PRPF39: variants seen among roughly 807,000 people sequenced by gnomAD.
PRPF39 encodes the protein pre-mRNA processing factor 39.
PRPF39 carries 27 observed loss-of-function variants against 82.1 expected under a neutral mutation model. The ratio of observed to expected loss-of-function variants is 0.33; its 90% CI spans 0.24 to 0.45. The LOEUF (loss-of-function observed/expected upper bound fraction) is 0.45. PRPF39 is among the 20% of genes least tolerant of loss of function. The pLI is 1.00. For missense variants in PRPF39, 581 were observed against 796.9 expected, an observed-to-expected ratio of 0.73 and a Z score of 3.26; for synonymous variants, 261 against 256.4, an observed-to-expected ratio of 1.02 and a Z score of -0.17.
At chr14:45,084,510 CCTT>C (rs1883759455) in intron 1 of PRPF39, among the ~76,000 whole-genome samples, 1 of 152,140 alleles carries the variant, frequency 6.6e-6, no homozygotes, top group African/African-American at 2.4e-5. Context: ...GTGTGGGCCT[CCTT>C]CGCCTGGATT....
At chr14:45,114,384 T>C in intron 12 of PRPF39, 110 bp from the exon 13 acceptor site, 2 of 1,351,778 alleles carry the variant, frequency 1.5e-6, no homozygotes, top group Non-Finnish European at 2.0e-6. Context: ...TGAAAAAGTC[T>C]TGAGTGATTC....
intron 11 of PRPF39, among the ~76,000 whole-genome samples, chr14:45,113,603 T>C (rs146225132): frequency 1.1e-4 from 17 of 152,346 alleles, no homozygotes; most frequent in African/African-American, 3.6e-4. Flanking sequence ...TTGAATGATA[T>C]GATTAACAGG....
chr14:45,097,014 A>C lies in PRPF39; in HGVS notation c.569+9A>C. The C allele has an allele frequency of 6.6e-7, 1 of 1,518,198 alleles. No homozygotes were observed. Among genetic ancestry groups the C allele is most frequent in the Non-Finnish European group, 8.8e-7 (1 of 1,138,052 alleles). The allele number at this position is 1,518,198 out of a possible 1,614,324, so 94.0% of individuals were successfully genotyped here. Reference sequence around the variant, plus strand: ...AACAATACAATAAGAGGGTATGTGGAACATTGATACTGAAATGTTTTTTAT... The same window carrying C: ...AACAATACAATAAGAGGGTATGTGGCACATTGATACTGAAATGTTTTTTAT... On this transcript the variant is annotated intron_variant, in intron 4 of 13. Transcript: ENST00000355765.
chr14:45,105,589 C>T (rs1315402550), intron 5 of PRPF39, among the ~76,000 whole-genome samples: 1 of 146,426 alleles, frequency 6.8e-6, no homozygotes, highest in Non-Finnish European at 1.5e-5. Context: ...TGCAGTGGTG[C>T]AGTCTTGGCT....
chr14:45,085,954 T>C (rs1883814031), intron 1 of PRPF39, among the ~76,000 whole-genome samples: 1 of 151,862 alleles, frequency 6.6e-6, no homozygotes, highest in Non-Finnish European at 1.5e-5. Flanking sequence ...AAAAAAGGTA[T>C]TAGGTCAAAA....
chr14:45,086,248 C>A (rs1244682556), intron 1 of PRPF39, among the ~76,000 whole-genome samples: 1 of 152,110 alleles, frequency 6.6e-6, no homozygotes, highest in Non-Finnish European at 1.5e-5. Flanking sequence ...GCCCAAATGT[C>A]CCATTTTTAA....
chr14:45,101,666 G>A (rs759374800), intron 4 of PRPF39, among the ~76,000 whole-genome samples: 3 of 151,256 alleles, frequency 2.0e-5, no homozygotes, highest in Admixed American at 6.6e-5. Flanking sequence ...GGGTTTCGCC[G>A]TGTTGGCAAG....
intron 4 of PRPF39, among the ~76,000 whole-genome samples, chr14:45,100,039 C>T (rs963642545): frequency 6.6e-6 from 1 of 152,058 alleles, no homozygotes; most frequent in Non-Finnish European, 1.5e-5. Context: ...ACCAGTCTGG[C>T]CAACATGGTG....
chr14:45,109,103 TACC>T (rs992390459), intron 7 of PRPF39, among the ~76,000 whole-genome samples: 10 of 152,202 alleles, frequency 6.6e-5, no homozygotes, highest in African/African-American at 2.4e-4. Context: ...AGTGCTAAGA[TACC>T]ACCAACTGCT....
intron 1 of PRPF39, 93 bp from the exon 2 acceptor site, chr14:45,095,128 T>C: frequency 1.4e-6 from 1 of 724,638 alleles, no homozygotes; most frequent in Non-Finnish European, 2.3e-6. Flanking sequence ...ATTTCTTTAA[T>C]AGCTAAATTA....
intron 1 of PRPF39, 123 bp from the exon 2 acceptor site, chr14:45,095,098 G>A: frequency 1.8e-6 from 1 of 568,550 alleles, no homozygotes; most frequent in South Asian, 2.8e-5. Context: ...GACTTGTAGG[G>A]GATTAAGACT....
rs769608219 is a variant in PRPF39, at chr14:45,109,681, C to T, written c.1077C>T (p.Tyr359=). The change falls in exon 8 of 14, where the codon TAC becomes TAT. Residue 359 remains tyrosine, a synonymous_variant. Coordinates refer to ENST00000355765, the MANE Select transcript of PRPF39 (RefSeq NM_017922.4). Reference sequence around the variant, plus strand: ...CACAACTAAAAAACTGGAAAGAATACTTAGAATTTGAAATTGAAAATGGGA... The same window carrying T: ...CACAACTAAAAAACTGGAAAGAATATTTAGAATTTGAAATTGAAAATGGGA... The part of the protein sequence containing the change: ...EKAQLKNWKE[Y]LEFEIENGTH... 3 of 1,608,398 alleles carry T rather than the reference C, an allele frequency of 1.9e-6. No homozygotes were observed. Among genetic ancestry groups the T allele is most frequent in the South Asian group, 2.2e-5 (2 of 90,090 alleles).
At chr14:45,089,783 G>C (rs1194828345) in intron 1 of PRPF39, among the ~76,000 whole-genome samples, 2 of 152,102 alleles carry the variant, frequency 1.3e-5, no homozygotes, top group Non-Finnish European at 2.9e-5. Context: ...ATTGGTTGTT[G>C]TTAAGAATAA....
intron 7 of PRPF39, among the ~76,000 whole-genome samples, chr14:45,109,278 A>G (rs1884631560): frequency 6.6e-6 from 1 of 152,220 alleles, no homozygotes; most frequent in African/African-American, 2.4e-5. Flanking sequence ...CTTTCCAGCC[A>G]GAGTTCCCCT....
At position 45,116,249 on chromosome 14, in the gene PRPF39, A is replaced by G; in HGVS notation, c.*1336A>G. ...CAAAAGTGAGTTTTGCATTTGGTGGAATTCTGTTGAAGAAGTCAAGGTACA... is the reference window on the plus strand; with the variant it reads ...CAAAAGTGAGTTTTGCATTTGGTGGGATTCTGTTGAAGAAGTCAAGGTACA... On this transcript the variant is annotated 3_prime_UTR_variant, in exon 14 of 14. Coordinates refer to ENST00000355765, the MANE Select transcript of PRPF39 (RefSeq NM_017922.4). 1 of 1,612,352 alleles carries G rather than the reference A, an allele frequency of 6.2e-7. No individual in the cohort carries two copies. The highest frequency in any genetic ancestry group is 8.5e-7 in the Non-Finnish European group (1 of 1,178,534).
chr14:45,113,499 C>T (rs940570419), intron 11 of PRPF39, among the ~76,000 whole-genome samples: 3 of 152,166 alleles, frequency 2.0e-5, no homozygotes, highest in Non-Finnish European at 2.9e-5. Context: ...AGTTTCTGCT[C>T]TTAACTGCTT....
At chr14:45,096,295 A>ATTTTTTTT in intron 3 of PRPF39, 67 bp downstream of exon 3, 13 of 1,288,684 alleles carry the variant, frequency 1.0e-5, no homozygotes, top group African/African-American at 3.8e-5. Context: ...CAAAACAAAG[A>ATTTTTTTT]TTTTTTTTTT....
intron 1 of PRPF39, among the ~76,000 whole-genome samples, chr14:45,086,156 G>T (rs554871971): frequency 6.6e-6 from 1 of 152,060 alleles, no homozygotes; most frequent in Non-Finnish European, 1.5e-5. Flanking sequence ...AGCCAGGCTG[G>T]TCTAGAACTC....
At position 45,110,066 on chromosome 14, in the gene PRPF39, T is replaced by C. The variant is rs900323103; in HGVS notation, c.1177-28T>C. ...TAATGGCTTGTTCAACTGTAAATTA[T>C]TCAGTATTTCCTCTTTTCTGTATGT... On this transcript the variant is annotated intron_variant, in intron 8 of 13. Transcript: ENST00000355765. The surrounding 1 kb of genome is among the most constrained non-coding windows in gnomAD (Gnocchi z 4.0). 1.2e-6 allele frequency: 2 copies of C among 1,610,420 alleles called. No homozygotes were observed. Among genetic ancestry groups the C allele is most frequent in the Non-Finnish European group, 1.7e-6 (2 of 1,178,072 alleles).
Sources: allele counts gnomAD v4.1 joint callset (sites outside exome capture counted in the v4.1 genomes callset), GRCh38; gene constraint gnomAD v4.1.1; non-coding constraint Gnocchi (gnomAD v3.1); transcripts MANE v1.5; gene names NCBI Gene and HGNC (gene_info 2026-07-23, HGNC 2026-07-21).